The following FHIT variants were observed in gnomAD, a reference collection of about 807,000 sequenced individuals.
The protein encoded by FHIT is bis(5'-adenosyl)-triphosphatase.
FHIT carries 19 observed loss-of-function variants against 17.9 expected under a neutral mutation model. That is an observed-to-expected ratio of 1.06 (90% CI 0.74 to 1.56). The LOEUF is 1.56. Ranked by LOEUF, FHIT falls within the 40% of genes most tolerant of loss-of-function variation. FHIT has a pLI of 0.00. For synonymous variants in FHIT, 81 were observed against 69.7 expected (o/e 1.16, Z -0.81); for missense variants, 248 against 189.2 (o/e 1.31, Z -1.82).
rs886498073 is a variant in FHIT at position 59,847,254 on chromosome 3, G to T, written c.348+75092C>A. Among the ~76,000 whole-genome samples the T allele has an allele frequency of 2.0e-5, 3 of 152,000 alleles. 1 individual carries two copies. The highest frequency in any genetic ancestry group is 6.8e-3 in the Middle Eastern group (2 of 294). ...TGATGGTGTACCACAGGTCCCTTAG[G>T]CTCTGTTCATCTTTCTTCAACTTTT... On this transcript the variant is annotated intron_variant, in intron 8 of 9. Transcript: ENST00000492590.
intron 1 of FHIT, among the ~76,000 whole-genome samples, chr3:61,226,693 G>T (rs1334750494): frequency 2.6e-5 from 4 of 152,198 alleles, no homozygotes; most frequent in African/African-American, 9.7e-5. Context: ...GAGAGAAAAG[G>T]AAAGAGAGAG....
intron 5 of FHIT, among the ~76,000 whole-genome samples, chr3:60,371,487 A>C (rs1405150889): frequency 1.3e-5 from 2 of 152,082 alleles, no homozygotes. Context: ...CCTCCCAAGT[A>C]GCTGAGAATA....
At chr3:60,451,390 C>T (rs544294294) in intron 5 of FHIT, among the ~76,000 whole-genome samples, 2 of 152,054 alleles carry the variant, frequency 1.3e-5, no homozygotes, top group African/African-American at 4.8e-5. Context: ...TTCTGAACAT[C>T]CCCCCACTTC....
At chr3:60,926,771 T>C (rs1416196409) in intron 3 of FHIT, among the ~76,000 whole-genome samples, 4 of 152,190 alleles carry the variant, frequency 2.6e-5, no homozygotes, top group African/African-American at 4.8e-5. Flanking sequence ...CAGGAGCTGG[T>C]TTTTTGAAAA....
rs918913355 is a variant in FHIT, at chr3:60,588,540, T to A, written c.-17-51561A>T. Among the ~76,000 whole-genome samples, 4 of 151,980 alleles carry A rather than the reference T, an allele frequency of 2.6e-5. No individual in the cohort carries two copies. In the East Asian group the frequency reaches 5.8e-4, roughly 22 times the overall value. ...GGTATAGAGATCATCTGCATTAGAA[T>A]CTTCTCAGGCTGGGGGTCCCTGAGC... is the stretch of plus-strand genomic sequence containing the variant. On this transcript the variant is annotated intron_variant, in intron 4 of 9. Transcript: ENST00000492590.
intron 4 of FHIT, among the ~76,000 whole-genome samples, chr3:60,789,276 T>C (rs1250158602): frequency 1.3e-5 from 2 of 151,800 alleles, no homozygotes; most frequent in African/African-American, 2.4e-5. Flanking sequence ...CCCAGCATTT[T>C]GGGAGGCCAA....
intron 5 of FHIT, among the ~76,000 whole-genome samples, chr3:60,431,297 G>C (rs948455229): frequency 6.6e-6 from 1 of 151,282 alleles, no homozygotes; most frequent in African/African-American, 2.4e-5. Context: ...TTTTTATGAT[G>C]TTGGCCTAAT....
intron 5 of FHIT, among the ~76,000 whole-genome samples, chr3:60,493,432 T>TACA (rs2034151830): frequency 1.3e-5 from 2 of 152,194 alleles, no homozygotes; most frequent in African/African-American, 4.8e-5. Flanking sequence ...GCTTACACTG[T>TACA]GAGGTTAAAG....
In FHIT at chr3:59,826,309, C is replaced by T. The variant is rs375780363; in HGVS notation, c.349-73988G>A. Among the ~76,000 whole-genome samples, 10 of 152,276 alleles carry T rather than the reference C, an allele frequency of 6.6e-5. No individual in the cohort carries two copies. In the East Asian group the frequency reaches 9.7e-4, roughly 15 times the overall value. On this transcript the variant is annotated intron_variant, in intron 8 of 9. Coordinates refer to ENST00000492590, the MANE Select transcript of FHIT (RefSeq NM_002012.4). ...ATTTTTTTGTAGAGATGGGGTTTCA[C>T]CATGTTGGATCACCCTACTTTAAAA...
intron 4 of FHIT, among the ~76,000 whole-genome samples, chr3:60,742,830 C>T (rs1220247049): frequency 6.6e-6 from 1 of 152,188 alleles, no homozygotes; most frequent in African/African-American, 2.4e-5. Flanking sequence ...TATACCATGA[C>T]AATCACAACT....
intron 7 of FHIT, among the ~76,000 whole-genome samples, chr3:59,949,516 C>T (rs1050115989): frequency 2.0e-5 from 3 of 152,228 alleles, no homozygotes; most frequent in African/African-American, 4.8e-5. Flanking sequence ...ACCATGGATA[C>T]GCAGGCTTGG....
chr3:59,980,038 T>C (rs1270234676), intron 7 of FHIT, among the ~76,000 whole-genome samples: 1 of 152,178 alleles, frequency 6.6e-6, no homozygotes. Flanking sequence ...TTAACAAATT[T>C]GAATCTTTTG....
At chr3:60,217,651 C>A (rs1703759074) in intron 5 of FHIT, among the ~76,000 whole-genome samples, 1 of 152,168 alleles carries the variant, frequency 6.6e-6, no homozygotes, top group African/African-American at 2.4e-5. Context: ...CCCAGCTTCT[C>A]TCTGGCTTCA....
intron 3 of FHIT, among the ~76,000 whole-genome samples, chr3:60,923,308 C>T (rs1321403820): frequency 6.6e-6 from 1 of 152,182 alleles, no homozygotes; most frequent in African/African-American, 2.4e-5. Context: ...GCCTCTGCTA[C>T]TTGCTAAACA....
intron 5 of FHIT, among the ~76,000 whole-genome samples, chr3:60,368,028 A>G (rs541351981): frequency 6.6e-6 from 1 of 152,138 alleles, no homozygotes; most frequent in Admixed American, 6.5e-5. Context: ...AAAATCCAAC[A>G]TTTTATCTAT....
rs574186584 is a variant in FHIT at position 59,848,442 on chromosome 3, A to T, written c.348+73904T>A. Among the ~76,000 whole-genome samples the T allele has an allele frequency of 1.6e-3, 248 of 152,214 alleles. 1 individual carries two copies. The highest frequency in any genetic ancestry group is 3.4e-3 in the Middle Eastern group (1 of 294). ...TAGGGAAAGAATGCCAAAAAGATTT[A>T]AAAAAATCACAGACCTTTAATAGCT... On this transcript the variant is annotated intron_variant, in intron 8 of 9. Coordinates refer to ENST00000492590, the MANE Select transcript of FHIT (RefSeq NM_002012.4).
At chr3:59,989,281 C>CTTT (rs980718147) in intron 7 of FHIT, among the ~76,000 whole-genome samples, 3 of 152,002 alleles carry the variant, frequency 2.0e-5, no homozygotes, top group Admixed American at 1.3e-4. Context: ...TGGAGACAGC[C>CTTT]TTTTCACTAG....
intron 5 of FHIT, among the ~76,000 whole-genome samples, chr3:60,529,125 T>G (rs1014627578): frequency 6.6e-6 from 1 of 152,318 alleles, no homozygotes; most frequent in South Asian, 2.1e-4. Flanking sequence ...ATAAGTCCAA[T>G]GTAGGATTTG....
In FHIT at chr3:60,221,386, AAGCTACT is replaced by A. The variant is rs1703951183; in HGVS notation, c.104-207241_104-207235del. Among the ~76,000 whole-genome samples the A allele has an allele frequency of 2.0e-5, 3 of 152,242 alleles. No individual in the cohort carries two copies. In the South Asian group the frequency reaches 6.2e-4, roughly 32 times the overall value. On this transcript the variant is annotated intron_variant, in intron 5 of 9. Coordinates refer to ENST00000492590, the MANE Select transcript of FHIT (RefSeq NM_002012.4). ...AGTGTCTCCCCAGTACCACCTGCTT[AAGCTACT>A]ACAAGGGTTCCCTTAACAGAGATGC...
Sources: allele counts gnomAD v4.1 joint callset (sites outside exome capture counted in the v4.1 genomes callset), GRCh38; gene constraint gnomAD v4.1.1; transcripts MANE v1.5; gene names NCBI Gene and HGNC (gene_info 2026-07-23, HGNC 2026-07-21).